Variants in BNC2 observed in about 807,000 individuals in gnomAD.
BNC2 encodes basonuclin zinc finger protein 2.
In BNC2, 20 loss-of-function variants were observed where a neutral mutation model predicts 76.3. The observed-to-expected ratio is 0.26, with a 90% CI of 0.18 to 0.38. The LOEUF (loss-of-function observed/expected upper bound fraction) is 0.38. Among genes scored for constraint, BNC2 ranks in the 10% least tolerant of loss-of-function variants. The probability of loss-of-function intolerance (pLI) is 1.00; values close to 1 mark genes in which losing one functional copy is unlikely to be tolerated. For synonymous variants in BNC2, 582 were observed against 514.8 expected (o/e 1.13, Z -1.77); for missense variants, 1,382 against 1,399.8 (o/e 0.99, Z 0.20).
intron 5 of BNC2, among the ~76,000 whole-genome samples, chr9:16,470,272 C>T (rs944240650): frequency 7.9e-5 from 12 of 152,096 alleles, no homozygotes; most frequent in African/African-American, 2.9e-4. Context: ...GCTTGGATTA[C>T]AGGCATGAGC....
chr9:16,645,631 G>C (rs1019698580), intron 3 of BNC2, among the ~76,000 whole-genome samples: 5 of 152,146 alleles, frequency 3.3e-5, no homozygotes, highest in Non-Finnish European at 7.3e-5. Flanking sequence ...CACAAGAGTT[G>C]TATAACCATG....
chr9:16,510,211 G>C (rs1822720917), intron 5 of BNC2, among the ~76,000 whole-genome samples: 1 of 152,148 alleles, frequency 6.6e-6, no homozygotes, highest in East Asian at 1.9e-4. Context: ...TTTTTCCACA[G>C]ATCATCAGTC....
intron 3 of BNC2, among the ~76,000 whole-genome samples, chr9:16,611,864 A>G (rs1385401063): frequency 6.6e-6 from 1 of 152,150 alleles, no homozygotes; most frequent in East Asian, 1.9e-4. Flanking sequence ...AAGTAAATTT[A>G]TCATATAAAT....
intron 5 of BNC2, among the ~76,000 whole-genome samples, chr9:16,531,800 T>C (rs939886063): frequency 2.0e-5 from 3 of 152,176 alleles, no homozygotes; most frequent in Non-Finnish European, 4.4e-5. Context: ...AGATCTCCTG[T>C]ATTCCCCCAA....
chr9:16,660,452 C>T (rs1822078291), intron 3 of BNC2, among the ~76,000 whole-genome samples: 1 of 142,280 alleles, frequency 7.0e-6, no homozygotes, highest in African/African-American at 2.9e-5. Context: ...GAAAGTCCAT[C>T]TCAAAAAAAA....
At chr9:16,861,872 C>T (rs1036264825) in intron 1 of BNC2, among the ~76,000 whole-genome samples, 2 of 151,936 alleles carry the variant, frequency 1.3e-5, no homozygotes, top group African/African-American at 4.8e-5. Context: ...GCCTGTAGTC[C>T]CAGCTACTCA....
chr9:16,569,779 G>C (rs1819268989), intron 4 of BNC2, among the ~76,000 whole-genome samples: 2 of 152,156 alleles, frequency 1.3e-5, no homozygotes, highest in Admixed American at 6.6e-5. Context: ...TTTGACAGTA[G>C]ATCTAAGAAG....
intron 1 of BNC2, among the ~76,000 whole-genome samples, chr9:16,863,599 G>A (rs1819466899): frequency 6.6e-6 from 1 of 152,138 alleles, no homozygotes; most frequent in African/African-American, 2.4e-5. Flanking sequence ...GGAGGCTGAG[G>A]CAGGAGAATC....
chr9:16,850,952 A>G (rs1250959234), intron 1 of BNC2, among the ~76,000 whole-genome samples: 2 of 152,156 alleles, frequency 1.3e-5, no homozygotes, highest in African/African-American at 4.8e-5. Flanking sequence ...AGAACTAGAC[A>G]CAGGCTGTCT....
rs902456667 is a variant in BNC2 at position 16,421,971 on chromosome 9, T to A, written c.2640-2322A>T. Among the ~76,000 whole-genome samples, 13 of 152,290 alleles carry A rather than the reference T, an allele frequency of 8.5e-5. 1 individual carries two copies. In the South Asian group the frequency reaches 2.7e-3, roughly 32 times the overall value. ...CTTCTCACACATCTGCAGTTACCAC[T>A]TCCTAGGTTCACTGCTGAGAAAACA... is the stretch of plus-strand genomic sequence containing the variant. On this transcript the variant is annotated intron_variant, in intron 6 of 6. Transcript: ENST00000380672.
rs1820531133 is a variant in BNC2 at position 16,413,971 on chromosome 9, G to A, written c.*5018C>T. 1.3e-5 allele frequency: 2 copies of A among 152,272 alleles called. No individual in the cohort carries two copies. Among genetic ancestry groups the A allele is most frequent in the Non-Finnish European group, 2.9e-5 (2 of 68,022 alleles). The allele number at this position is 152,272 out of a possible 1,614,324, so 9.4% of individuals were successfully genotyped here. Reference sequence around the variant, plus strand: ...CCTACTCCTCTGTTAGGATGAAAACGAGGTGTTACCACTGGCCTTTTCTAT... The same window carrying A: ...CCTACTCCTCTGTTAGGATGAAAACAAGGTGTTACCACTGGCCTTTTCTAT... On this transcript the variant is annotated 3_prime_UTR_variant, in exon 7 of 7. Transcript: ENST00000380672.
intron 4 of BNC2, among the ~76,000 whole-genome samples, chr9:16,566,701 C>T (rs1819179037): frequency 6.6e-6 from 1 of 152,034 alleles, no homozygotes; most frequent in South Asian, 2.1e-4. Context: ...GATTTGTGAT[C>T]AATACGCTAG....
At chr9:16,516,783 G>C (rs1817456711) in intron 5 of BNC2, among the ~76,000 whole-genome samples, 1 of 152,054 alleles carries the variant, frequency 6.6e-6, no homozygotes, top group African/African-American at 2.4e-5. Flanking sequence ...TTTTAATCCA[G>C]ATAGTTTTAA....
chr9:16,592,372 C>T lies in BNC2; in HGVS notation c.331-9287G>A, dbSNP rs547437158. ...TTTGGCCATAAAAAGGAATGAACCA[C>T]GGATACATACTACAACATGAATGAA... On this transcript the variant is annotated intron_variant, in intron 3 of 6. Transcript: ENST00000380672. 5.9e-5 allele frequency among the ~76,000 whole-genome samples: 9 copies of T among 152,124 alleles called. No individual in the cohort carries two copies. In the South Asian group the frequency reaches 1.2e-3, roughly 21 times the overall value.
intron 1 of BNC2, among the ~76,000 whole-genome samples, chr9:16,767,071 T>A (rs541787199): frequency 6.6e-6 from 1 of 152,346 alleles, no homozygotes; most frequent in Admixed American, 6.5e-5. Context: ...CCTAAGCATC[T>A]CTGAACATTA....
chr9:16,599,159 C>T (rs540929500), intron 3 of BNC2, among the ~76,000 whole-genome samples: 2 of 152,254 alleles, frequency 1.3e-5, no homozygotes, highest in South Asian at 4.1e-4. Flanking sequence ...AAAACATAAA[C>T]AAATATACTT....
chr9:16,743,955 AGTTTGTTTGTTT>A (rs111863200), intron 1 of BNC2, among the ~76,000 whole-genome samples: 4 of 150,724 alleles, frequency 2.7e-5, no homozygotes, highest in African/African-American at 9.8e-5. Flanking sequence ...TACAGACTGC[AGTTTGTTTGTTT>A]GTTTGTTTGT....
At chr9:16,490,433 G>T (rs1822252980) in intron 5 of BNC2, among the ~76,000 whole-genome samples, 1 of 152,194 alleles carries the variant, frequency 6.6e-6, no homozygotes, top group South Asian at 2.1e-4. Flanking sequence ...AATTCTGGGA[G>T]ATACAATTCA....
intron 3 of BNC2, among the ~76,000 whole-genome samples, chr9:16,713,787 A>G (rs1358935672): frequency 6.6e-6 from 1 of 152,088 alleles, no homozygotes; most frequent in Non-Finnish European, 1.5e-5. Context: ...TACTTACTCA[A>G]TTTTGGCTGG....
Sources: allele counts gnomAD v4.1 joint callset (sites outside exome capture counted in the v4.1 genomes callset), GRCh38; gene constraint gnomAD v4.1.1; transcripts MANE v1.5; gene names NCBI Gene and HGNC (gene_info 2026-07-23, HGNC 2026-07-21).